The following ANKS1B variants were observed in gnomAD, a reference collection of about 807,000 sequenced individuals.
ANKS1B encodes ankyrin repeat and sterile alpha motif domain containing 1B.
Under a neutral mutation model 148.3 loss-of-function variants are expected in ANKS1B, and 36 were observed. That is an observed-to-expected ratio of 0.24 (90% confidence interval 0.19 to 0.32). The LOEUF is 0.32. Ranked by LOEUF, ANKS1B falls within the 10% of genes least tolerant of loss-of-function variation. The pLI, the probability that ANKS1B is intolerant of heterozygous loss-of-function variation, is 1.00. For synonymous variants in ANKS1B, 542 were observed against 560.8 expected, an observed-to-expected ratio of 0.97 and a Z score of 0.47; for missense variants, 1,157 against 1,542.6, an observed-to-expected ratio of 0.75 and a Z score of 4.19.
intron 12 of ANKS1B, among the ~76,000 whole-genome samples, chr12:99,269,855 G>C (rs1312494941): frequency 6.6e-6 from 1 of 152,102 alleles, no homozygotes; most frequent in Non-Finnish European, 1.5e-5. Context: ...CACTGCACCC[G>C]GCCGACTTGC....
At chr12:98,877,794 T>C (rs1024987632) in intron 17 of ANKS1B, among the ~76,000 whole-genome samples, 9 of 152,220 alleles carry the variant, frequency 5.9e-5, no homozygotes, top group Admixed American at 5.9e-4. Context: ...CAATAATTCT[T>C]CTAATCTTAA....
At chr12:99,715,487 T>C (rs939394055) in intron 8 of ANKS1B, among the ~76,000 whole-genome samples, 3 of 152,150 alleles carry the variant, frequency 2.0e-5, no homozygotes, top group African/African-American at 7.2e-5. Context: ...CTATCTCCCT[T>C]CGCTGACTCT....
intron 9 of ANKS1B, among the ~76,000 whole-genome samples, chr12:99,646,952 G>A (rs1598768280): frequency 1.3e-5 from 2 of 149,210 alleles, no homozygotes; most frequent in East Asian, 2.0e-4. Context: ...GTTTGAGGGT[G>A]AGTCAAAACA....
At chr12:99,797,367 G>A (rs1028559882) in intron 4 of ANKS1B, among the ~76,000 whole-genome samples, 11 of 151,578 alleles carry the variant, frequency 7.3e-5, no homozygotes, top group South Asian at 4.2e-4. Context: ...ACCCATAACC[G>A]GCCAGACCTT....
At chr12:99,666,857 G>GGGGGGT (rs1555536181) in intron 8 of ANKS1B, among the ~76,000 whole-genome samples, 6 of 132,536 alleles carry the variant, frequency 4.5e-5, no homozygotes, top group Non-Finnish European at 5.1e-5. Flanking sequence ...GTTACTATGG[G>GGGGGGT]GTGTGTGTGT....
chr12:99,374,898 C>T (rs1409703164), intron 12 of ANKS1B, among the ~76,000 whole-genome samples: 1 of 152,082 alleles, frequency 6.6e-6, no homozygotes, highest in Non-Finnish European at 1.5e-5. Flanking sequence ...AAAAAATTGA[C>T]TTGGATTCTT....
intron 12 of ANKS1B, among the ~76,000 whole-genome samples, chr12:99,359,046 G>T (rs900176184): frequency 1.3e-5 from 2 of 152,060 alleles, no homozygotes; most frequent in South Asian, 2.1e-4. Flanking sequence ...GAAACATCAA[G>T]ACAATAATGA....
chr12:99,246,897 T>C (rs995152434), intron 12 of ANKS1B, 33 bp from the exon 13 acceptor site: 49 of 1,517,220 alleles, frequency 3.2e-5, no homozygotes, highest in Admixed American at 6.5e-5. Context: ...TCAGGGTTTA[T>C]AAAGGTTCTG....
intron 14 of ANKS1B, among the ~76,000 whole-genome samples, chr12:99,241,728 G>C (rs2089373923): frequency 6.6e-6 from 1 of 152,204 alleles, no homozygotes; most frequent in South Asian, 2.1e-4. Context: ...TCCCTGGGAG[G>C]CCAGGTTGGT....
intron 10 of ANKS1B, among the ~76,000 whole-genome samples, chr12:99,445,590 C>T (rs2095623735): frequency 6.6e-6 from 1 of 151,938 alleles, no homozygotes; most frequent in South Asian, 2.1e-4. Flanking sequence ...GTAGAGGAGG[C>T]TTTGTGTATG....
At chr12:99,420,204 T>C (rs914836427) in intron 11 of ANKS1B, among the ~76,000 whole-genome samples, 5 of 152,216 alleles carry the variant, frequency 3.3e-5, no homozygotes, top group Non-Finnish European at 7.3e-5. Flanking sequence ...TTCTGTCTTT[T>C]TGCTATAATT....
At chr12:99,415,499 C>T (rs1271148152) in intron 11 of ANKS1B, among the ~76,000 whole-genome samples, 2 of 152,108 alleles carry the variant, frequency 1.3e-5, no homozygotes, top group Admixed American at 1.3e-4. Context: ...TTTTAAATAG[C>T]TTAATTTTTT....
intron 2 of ANKS1B, among the ~76,000 whole-genome samples, chr12:99,818,411 A>C (rs2082128654): frequency 6.6e-6 from 1 of 151,820 alleles, no homozygotes; most frequent in African/African-American, 2.4e-5. Flanking sequence ...AATGTAACCA[A>C]ATATCACCTG....
chr12:99,356,531 T>C (rs1187429824), intron 12 of ANKS1B, among the ~76,000 whole-genome samples: 6 of 152,150 alleles, frequency 3.9e-5, no homozygotes, highest in Admixed American at 3.3e-4. Context: ...CTGAACGTTG[T>C]ACACGCTGGC....
chr12:99,299,217 T>C (rs1423956389), intron 12 of ANKS1B, among the ~76,000 whole-genome samples: 1 of 152,088 alleles, frequency 6.6e-6, no homozygotes, highest in East Asian at 1.9e-4. Flanking sequence ...TGCGCTACCA[T>C]GCCTGGCTAA....
intron 17 of ANKS1B, among the ~76,000 whole-genome samples, chr12:98,870,036 G>GC (rs1595894849): frequency 1.3e-5 from 2 of 152,300 alleles, no homozygotes; most frequent in East Asian, 3.9e-4. Context: ...CTGGAGCCCA[G>GC]CTCTGGCATG....
chr12:99,499,158 A>C (rs1196805930), intron 10 of ANKS1B, among the ~76,000 whole-genome samples: 5 of 152,230 alleles, frequency 3.3e-5, no homozygotes, highest in Admixed American at 3.3e-4. Context: ...CTCATATAAA[A>C]TTACATAGAA....
chr12:98,837,383 T>G (rs550834901), intron 17 of ANKS1B, among the ~76,000 whole-genome samples: 2 of 151,196 alleles, frequency 1.3e-5, no homozygotes, highest in East Asian at 3.9e-4. Flanking sequence ...AGTTATGGCA[T>G]GTGTTCTTAA....
At chr12:99,777,766 A>G (rs1022719141) in intron 6 of ANKS1B, among the ~76,000 whole-genome samples, 3 of 151,552 alleles carry the variant, frequency 2.0e-5, no homozygotes, top group Non-Finnish European at 4.4e-5. Flanking sequence ...TTGTATTTTT[A>G]GTAGAGACGG....
Sources: allele counts gnomAD v4.1 joint callset (sites outside exome capture counted in the v4.1 genomes callset), GRCh38; gene constraint gnomAD v4.1.1; transcripts MANE v1.5; gene names NCBI Gene and HGNC (gene_info 2026-07-23, HGNC 2026-07-21).